Variants in CCSER1 observed in about 807,000 individuals in gnomAD.
CCSER1 encodes the protein serine-rich coiled-coil domain-containing protein 1.
In CCSER1, 41 loss-of-function variants were observed where a neutral mutation model predicts 82.0. The observed-to-expected ratio is 0.50, with a 90% confidence interval of 0.39 to 0.65. CCSER1 has a LOEUF of 0.65. Among genes scored for constraint, CCSER1 ranks in the 30% least tolerant of loss-of-function variants. The pLI, the probability that CCSER1 is intolerant of heterozygous loss-of-function variation, is 0.00. For missense variants in CCSER1, 1,119 were observed against 1,064.2 expected (o/e 1.05, Z -0.72); for synonymous variants, 414 against 383.9 (o/e 1.08, Z -0.92).
intron 1 of CCSER1, among the ~76,000 whole-genome samples, chr4:90,160,537 C>T (rs1729241965): frequency 6.6e-6 from 1 of 152,112 alleles, no homozygotes; most frequent in Non-Finnish European, 1.5e-5. Context: ...ACAAGAAAAG[C>T]CCATTAGGCT....
intron 1 of CCSER1, among the ~76,000 whole-genome samples, chr4:90,129,953 T>G (rs1476953101): frequency 7.2e-5 from 11 of 152,334 alleles, no homozygotes; most frequent in African/African-American, 2.6e-4. Flanking sequence ...ATGAACTGTA[T>G]TATTGCAATC....
At chr4:90,163,194 G>A (rs1297355717) in intron 1 of CCSER1, among the ~76,000 whole-genome samples, 1 of 151,950 alleles carries the variant, frequency 6.6e-6, no homozygotes, top group Non-Finnish European at 1.5e-5. Context: ...GTTAGTTTAT[G>A]ATGCTAAATT....
intron 10 of CCSER1, among the ~76,000 whole-genome samples, chr4:91,137,012 C>T (rs1275706636): frequency 4.0e-5 from 6 of 149,332 alleles, no homozygotes; most frequent in Admixed American, 2.0e-4. Flanking sequence ...TATAAAAATT[C>T]TTTTTTTTTT....
chr4:90,380,133 G>C (rs1420874209), intron 3 of CCSER1, among the ~76,000 whole-genome samples: 1 of 151,928 alleles, frequency 6.6e-6, no homozygotes, highest in East Asian at 1.9e-4. Context: ...ATTTGAGCAG[G>C]GACACAGATC....
intron 8 of CCSER1, among the ~76,000 whole-genome samples, chr4:90,910,758 A>G (rs1199785396): frequency 1.3e-5 from 2 of 152,192 alleles, no homozygotes; most frequent in Non-Finnish European, 2.9e-5. Context: ...TTTTAAACAT[A>G]CAAACCTGAA....
At chr4:91,163,204 A>G (rs1394476627) in intron 10 of CCSER1, among the ~76,000 whole-genome samples, 3 of 152,200 alleles carry the variant, frequency 2.0e-5, no homozygotes, top group Admixed American at 6.5e-5. Context: ...TAGTCATTCA[A>G]GAGCAGATTG....
intron 10 of CCSER1, among the ~76,000 whole-genome samples, chr4:91,306,823 T>A (rs1394328068): frequency 6.6e-6 from 1 of 152,052 alleles, no homozygotes; most frequent in Admixed American, 6.6e-5. Context: ...AACTGTTAAA[T>A]CAACTTTTAC....
At chr4:90,995,054 A>C (rs558483472) in intron 9 of CCSER1, among the ~76,000 whole-genome samples, 1 of 152,284 alleles carries the variant, frequency 6.6e-6, no homozygotes, top group Non-Finnish European at 1.5e-5. Context: ...TCATCCATAA[A>C]TCTTTTTGCA....
intron 6 of CCSER1, among the ~76,000 whole-genome samples, chr4:90,664,245 A>G (rs888510581): frequency 1.5e-4 from 23 of 152,170 alleles, no homozygotes; most frequent in African/African-American, 5.1e-4. Context: ...TTGACTTCTC[A>G]TTTCATTACA....
chr4:90,561,499 G>T (rs189113203), intron 5 of CCSER1, among the ~76,000 whole-genome samples: 1 of 152,178 alleles, frequency 6.6e-6, no homozygotes, highest in African/African-American at 2.4e-5. Flanking sequence ...ATTAAAGCAT[G>T]CTGTTCCAAT....
chr4:91,145,081 GTGTC>G (rs1357198617), intron 10 of CCSER1, among the ~76,000 whole-genome samples: 2 of 151,998 alleles, frequency 1.3e-5, no homozygotes, highest in Non-Finnish European at 2.9e-5. Flanking sequence ...CTATTATTCT[GTGTC>G]TGTCTAAGTC....
chr4:90,700,144 C>T (rs1367168721), intron 6 of CCSER1, among the ~76,000 whole-genome samples: 1 of 152,022 alleles, frequency 6.6e-6, no homozygotes. Context: ...CCACTCCCCT[C>T]ACCCCACAAC....
intron 7 of CCSER1, among the ~76,000 whole-genome samples, chr4:90,810,586 G>A (rs759824886): frequency 2.0e-5 from 3 of 151,724 alleles, no homozygotes; most frequent in African/African-American, 4.8e-5. Context: ...CAGATGTTGC[G>A]GTGAGCCGAG....
intron 10 of CCSER1, among the ~76,000 whole-genome samples, chr4:91,407,048 C>T (rs1203027076): frequency 6.6e-6 from 1 of 152,156 alleles, no homozygotes; most frequent in Non-Finnish European, 1.5e-5. Flanking sequence ...TATTCAGCCC[C>T]TTTAACCCTT....
chr4:90,207,028 C>A (rs536851510), intron 1 of CCSER1, among the ~76,000 whole-genome samples: 2 of 151,270 alleles, frequency 1.3e-5, no homozygotes, highest in South Asian at 4.2e-4. Context: ...TTCTTTTTTC[C>A]ATTTGCTTGA....
intron 4 of CCSER1, among the ~76,000 whole-genome samples, chr4:90,413,862 T>C (rs1365525785): frequency 7.2e-6 from 1 of 139,420 alleles, no homozygotes; most frequent in South Asian, 2.3e-4. Flanking sequence ...GGCAGGAGAA[T>C]GGCGTGAACC....
chr4:91,508,623 T>A (rs553517722), intron 10 of CCSER1, among the ~76,000 whole-genome samples: 3 of 151,352 alleles, frequency 2.0e-5, no homozygotes, highest in Non-Finnish European at 4.4e-5. Context: ...CCATATAGAA[T>A]CATTTTTGAA....
intron 1 of CCSER1, among the ~76,000 whole-genome samples, chr4:90,217,988 T>G (rs1047950826): frequency 2.7e-4 from 41 of 151,814 alleles, no homozygotes; most frequent in Non-Finnish European, 1.3e-4. Context: ...TGTATGTAGG[T>G]GGGGGTCTTA....
At chr4:91,557,223 G>A (rs1762447828) in intron 10 of CCSER1, among the ~76,000 whole-genome samples, 1 of 151,336 alleles carries the variant, frequency 6.6e-6, no homozygotes, top group East Asian at 1.9e-4. Flanking sequence ...TGGTATCCAC[G>A]TATACAAGTC....
Sources: gnomAD v4.1 joint callset for allele counts (sites outside exome capture counted in the v4.1 genomes callset) on GRCh38, gnomAD v4.1.1 for gene constraint, MANE v1.5 for transcripts, NCBI Gene and HGNC (gene_info 2026-07-23, HGNC 2026-07-21) for gene names.